Variants in UBE2E3 observed in about 807,000 individuals in gnomAD.
UBE2E3 encodes ubiquitin conjugating enzyme E2 E3, also known as ubiquitin-conjugating enzyme E2 E3.
UBE2E3 carries 5 observed loss-of-function variants against 23.6 expected under a neutral mutation model. The ratio of observed to expected loss-of-function variants is 0.21; its 90% CI spans 0.11 to 0.44. The LOEUF is 0.44. UBE2E3 is among the 20% of genes least tolerant of loss of function. UBE2E3 has a pLI of 0.99. For synonymous variants in UBE2E3, 78 were observed against 87.5 expected (o/e 0.89, Z 0.60); for missense variants, 81 against 249.8 (o/e 0.32, Z 4.55).
intron 3 of UBE2E3, among the ~76,000 whole-genome samples, chr2:181,027,876 T>G (rs1685948386): frequency 6.6e-6 from 1 of 152,038 alleles, no homozygotes; most frequent in Non-Finnish European, 1.5e-5. Flanking sequence ...AATCATGTAC[T>G]GCATAATGCA....
intron 3 of UBE2E3, among the ~76,000 whole-genome samples, chr2:181,004,854 A>G (rs1463483568): frequency 6.6e-6 from 1 of 152,212 alleles, no homozygotes; most frequent in Non-Finnish European, 1.5e-5. Context: ...CCTTTTGCCA[A>G]ATGTAATTTT....
intron 3 of UBE2E3, among the ~76,000 whole-genome samples, chr2:181,022,608 C>T (rs898381007): frequency 6.6e-6 from 1 of 151,922 alleles, no homozygotes; most frequent in Non-Finnish European, 1.5e-5. Context: ...TCACAGCCTT[C>T]TTGCACTTAG....
intron 3 of UBE2E3, among the ~76,000 whole-genome samples, chr2:180,986,962 C>A (rs544575693): frequency 6.6e-6 from 1 of 151,792 alleles, no homozygotes; most frequent in East Asian, 1.9e-4. Flanking sequence ...ACATACATAC[C>A]CAGGGTGATC....
rs1429636556 is a variant in UBE2E3, at chr2:180,990,012, T to C, written c.245+5919T>C. Reference sequence around the variant, plus strand: ...AAAATCACTTGTAAATCTAGAGAAATAGAAAGTGATTTTTTTTTCCACATA... The same window carrying C: ...AAAATCACTTGTAAATCTAGAGAAACAGAAAGTGATTTTTTTTTCCACATA... On this transcript the variant is annotated intron_variant, in intron 3 of 5. Transcript: ENST00000410062. 17 of 1,502,512 alleles carry C rather than the reference T, an allele frequency of 1.1e-5. No homozygotes were observed. The Admixed American group carries it at 3.7e-4, about 32-fold the overall frequency. The allele number at this position is 1,502,512 out of a possible 1,614,324, so 93.1% of individuals were successfully genotyped here.
intron 3 of UBE2E3, among the ~76,000 whole-genome samples, chr2:181,054,668 A>G (rs2368188): frequency 0.041 from 6,187 of 151,858 alleles, 346 homozygotes; most frequent in East Asian, 0.19. Flanking sequence ...ATTTTCTCCA[A>G]GACTGTTGCC....
At chr2:181,062,021 A>T (rs1418272227) in intron 5 of UBE2E3, among the ~76,000 whole-genome samples, 2 of 151,704 alleles carry the variant, frequency 1.3e-5, no homozygotes, top group African/African-American at 4.8e-5. Flanking sequence ...TATATTAAGT[A>T]TAAAAGGCAC....
At chr2:180,988,304 T>TGAGTAC (rs1053309185) in intron 3 of UBE2E3, among the ~76,000 whole-genome samples, 9 of 152,250 alleles carry the variant, frequency 5.9e-5, no homozygotes, top group African/African-American at 2.2e-4. Flanking sequence ...ACCAGATAAT[T>TGAGTAC]GAGTACAAGT....
At chr2:181,009,489 A>G (rs1444092403) in intron 3 of UBE2E3, among the ~76,000 whole-genome samples, 1 of 152,042 alleles carries the variant, frequency 6.6e-6, no homozygotes, top group Non-Finnish European at 1.5e-5. Flanking sequence ...CTCCTACCAT[A>G]ATGGTGTAAT....
chr2:181,002,899 C>G (rs1167296390), intron 3 of UBE2E3, among the ~76,000 whole-genome samples: 2 of 152,200 alleles, frequency 1.3e-5, no homozygotes, highest in Non-Finnish European at 2.9e-5. Context: ...GATGGACAAC[C>G]TTTCTTGGCT....
At chr2:181,045,874 G>T (rs911246467) in intron 3 of UBE2E3, among the ~76,000 whole-genome samples, 1 of 150,888 alleles carries the variant, frequency 6.6e-6, no homozygotes, top group African/African-American at 2.4e-5. Flanking sequence ...GGATATGTTG[G>T]GACAGAAAAA....
intron 3 of UBE2E3, among the ~76,000 whole-genome samples, chr2:180,989,707 C>A (rs935244241): frequency 1.3e-5 from 2 of 152,166 alleles, no homozygotes; most frequent in African/African-American, 2.4e-5. Flanking sequence ...AAGTTCAATG[C>A]AGATAATGTA....
intron 3 of UBE2E3, among the ~76,000 whole-genome samples, chr2:180,990,202 G>T (rs1684613765): frequency 6.6e-6 from 1 of 152,108 alleles, no homozygotes; most frequent in Non-Finnish European, 1.5e-5. Context: ...AATTGGTAAT[G>T]CCCAGAGATA....
chr2:181,015,685 A>G lies in UBE2E3; in HGVS notation c.245+31592A>G, dbSNP rs559713020. ...AGTTAATTGGTTTTAGGAAGTCACTAGGAAAAATCGACATTTAAAAAATAA... is the reference window on the plus strand; with the variant it reads ...AGTTAATTGGTTTTAGGAAGTCACTGGGAAAAATCGACATTTAAAAAATAA... On this transcript the variant is annotated intron_variant, in intron 3 of 5. Transcript: ENST00000410062. Among the ~76,000 whole-genome samples, 3 of 152,310 alleles carry G rather than the reference A, an allele frequency of 2.0e-5. No individual in the cohort carries two copies. The South Asian group carries it at 6.2e-4, about 32-fold the overall frequency.
chr2:181,004,462 G>A (rs573934435), intron 3 of UBE2E3, among the ~76,000 whole-genome samples: 3 of 152,054 alleles, frequency 2.0e-5, no homozygotes, highest in Non-Finnish European at 2.9e-5. Context: ...GTGAAACCCC[G>A]TCTCTACTAA....
At chr2:180,986,356 C>A (rs984637238) in intron 3 of UBE2E3, among the ~76,000 whole-genome samples, 1 of 152,090 alleles carries the variant, frequency 6.6e-6, no homozygotes, top group Non-Finnish European at 1.5e-5. Flanking sequence ...TATCCAGATA[C>A]TTTGTCTTCA....
At chr2:180,998,793 C>G (rs1357458692) in intron 3 of UBE2E3, among the ~76,000 whole-genome samples, 1 of 151,970 alleles carries the variant, frequency 6.6e-6, no homozygotes, top group Non-Finnish European at 1.5e-5. Context: ...GCAACAGATA[C>G]GTTTTTATCC....
At position 181,059,867 on chromosome 2, in the gene UBE2E3, G is replaced by A. The variant is rs917796100; in HGVS notation, c.379-798G>A. On this transcript the variant is annotated intron_variant, in intron 4 of 5. Coordinates refer to ENST00000410062, the MANE Select transcript of UBE2E3 (RefSeq NM_006357.4). ...TTTTCCTCCCAGATTCAACTTTTGC[G>A]CTCACAGTACACTGCTAGTTTTCAA... 1.9e-4 allele frequency among the ~76,000 whole-genome samples: 29 copies of A among 151,184 alleles called. 1 individual carries two copies. The highest frequency in any genetic ancestry group is 6.8e-4 in the African/African-American group (28 of 41,174).
chr2:181,026,035 A>C (rs1685871646), intron 3 of UBE2E3, among the ~76,000 whole-genome samples: 1 of 151,916 alleles, frequency 6.6e-6, no homozygotes, highest in Non-Finnish European at 1.5e-5. Context: ...ATTTGATCTC[A>C]TTTGCAGGGT....
At chr2:181,002,744 G>A (rs1685026010) in intron 3 of UBE2E3, among the ~76,000 whole-genome samples, 2 of 152,162 alleles carry the variant, frequency 1.3e-5, no homozygotes, top group Admixed American at 6.5e-5. Flanking sequence ...AATAGCCACA[G>A]GTAGCTAGTG....
Sources: allele counts gnomAD v4.1 joint callset (sites outside exome capture counted in the v4.1 genomes callset), GRCh38; gene constraint gnomAD v4.1.1; transcripts MANE v1.5; gene names NCBI Gene and HGNC (gene_info 2026-07-23, HGNC 2026-07-21).